PBX4: variants seen among roughly 807,000 people sequenced by gnomAD.
PBX4 encodes pre-B-cell leukemia transcription factor 4.
In PBX4, 26 loss-of-function variants were observed where a neutral mutation model predicts 35.1. The observed-to-expected ratio is 0.74, with a 90% CI of 0.54 to 1.03. The LOEUF is 1.03. PBX4 is among the 50% of genes least tolerant of loss of function. The pLI is 0.00. For missense variants in PBX4, 448 were observed against 504.3 expected (o/e 0.89, Z 1.07); for synonymous variants, 199 against 204.2 (o/e 0.97, Z 0.22).
chr19:19,614,359 C>T (rs569292230), intron 1 of PBX4, among the ~76,000 whole-genome samples: 43 of 151,060 alleles, frequency 2.8e-4, no homozygotes, highest in Non-Finnish European at 4.4e-4. Context: ...CATGGCCCGG[C>T]GCAGTGGCTC....
chr19:19,569,390 T>C (rs1423389330), intron 5 of PBX4, 59 bp downstream of exon 5: 2 of 1,559,294 alleles, frequency 1.3e-6, no homozygotes, highest in Non-Finnish European at 1.7e-6. Context: ...GGTGTCCTCA[T>C]GGGACCTAGT....
intron 6 of PBX4, chr19:19,564,725 T>G: frequency 1.6e-6 from 1 of 626,796 alleles, no homozygotes. Flanking sequence ...CTTATTAGTA[T>G]CGCCATTCTG....
chr19:19,615,785 G>C lies in PBX4; in HGVS notation c.119+2726C>G, dbSNP rs1353373645. ...TATGCCTGTAGTCCCGGCTACTCAG[G>C]AAGCTGAGGCAGGAGAATCGCTTGA... On this transcript the variant is annotated intron_variant, in intron 1 of 7. Coordinates refer to ENST00000251203, the MANE Select transcript of PBX4 (RefSeq NM_025245.3). 2.0e-5 allele frequency among the ~76,000 whole-genome samples: 3 copies of C among 152,156 alleles called. No individual in the cohort carries two copies. The East Asian group carries it at 5.8e-4, about 29-fold the overall frequency.
intron 2 of PBX4, among the ~76,000 whole-genome samples, chr19:19,580,601 T>A (rs1030638120): frequency 2.6e-5 from 4 of 152,204 alleles, no homozygotes; most frequent in African/African-American, 9.7e-5. Context: ...AGGAAATGAG[T>A]TCTACAAGGC....
intron 2 of PBX4, among the ~76,000 whole-genome samples, chr19:19,585,002 G>A (rs1201235192): frequency 6.6e-6 from 1 of 152,058 alleles, no homozygotes; most frequent in East Asian, 1.9e-4. Flanking sequence ...GACTTCTGGA[G>A]CCCAGCCTGT....
chr19:19,570,020 C>T (rs1377657376), intron 4 of PBX4, 89 bp downstream of exon 4: 1 of 1,381,648 alleles, frequency 7.2e-7, no homozygotes, highest in Non-Finnish European at 9.7e-7. Flanking sequence ...GACACAGCCT[C>T]CAGGGCTGTC....
At position 19,609,365 on chromosome 19, in the gene PBX4, C is replaced by G. The variant is rs572628443; in HGVS notation, c.119+9146G>C. ...AGGAGTTGGAGACCAGCCTGACCAA[C>G]ATGGAGAAACCCCGTCTCTACTAAA... On this transcript the variant is annotated intron_variant, in intron 1 of 7. Coordinates refer to ENST00000251203, the MANE Select transcript of PBX4 (RefSeq NM_025245.3). 2.0e-3 allele frequency among the ~76,000 whole-genome samples: 309 copies of G among 151,836 alleles called. 1 individual carries two copies. The highest frequency in any genetic ancestry group is 3.4e-3 in the Middle Eastern group (1 of 294).
At chr19:19,593,911 A>G (rs1486789513) in intron 2 of PBX4, among the ~76,000 whole-genome samples, 1 of 151,668 alleles carries the variant, frequency 6.6e-6, no homozygotes, top group Admixed American at 6.6e-5. Context: ...GGATCACTTG[A>G]GCTCAGGAGT....
intron 2 of PBX4, among the ~76,000 whole-genome samples, chr19:19,598,834 A>T (rs980616353): frequency 6.6e-5 from 10 of 152,010 alleles, no homozygotes; most frequent in African/African-American, 2.4e-4. Flanking sequence ...GGGATGAGCA[A>T]AACGGCCCAC....
At chr19:19,573,935 G>A (rs956934032) in intron 2 of PBX4, among the ~76,000 whole-genome samples, 1 of 152,056 alleles carries the variant, frequency 6.6e-6, no homozygotes, top group Admixed American at 6.6e-5. Context: ...TCACCATGTT[G>A]GCCAGGCTAA....
At chr19:19,609,775 C>T (rs1462161336) in intron 1 of PBX4, among the ~76,000 whole-genome samples, 2 of 151,896 alleles carry the variant, frequency 1.3e-5, no homozygotes, top group Admixed American at 6.6e-5. Flanking sequence ...GGCGTGAACC[C>T]GGGGGGCGGA....
chr19:19,568,392 G>T, intron 5 of PBX4, among the ~76,000 whole-genome samples: 1 of 144,462 alleles, frequency 6.9e-6, no homozygotes, highest in African/African-American at 2.6e-5. Context: ...CCCTCAGGGA[G>T]CTCACACTCC....
At chr19:19,593,050 C>T (rs529396470) in intron 2 of PBX4, among the ~76,000 whole-genome samples, 25 of 152,304 alleles carry the variant, frequency 1.6e-4, no homozygotes, top group South Asian at 1.2e-3. Context: ...GAGGAAGCCC[C>T]GAGCTGCCTG....
At chr19:19,564,816 T>TA in intron 6 of PBX4, 117 bp downstream of exon 6, 1 of 1,276,556 alleles carries the variant, frequency 7.8e-7, no homozygotes, top group Non-Finnish European at 1.1e-6. Context: ...AAGAAAGAGT[T>TA]ACACAGAGTT....
chr19:19,564,256 T>C (rs1438535318), intron 6 of PBX4, among the ~76,000 whole-genome samples: 1 of 150,228 alleles, frequency 6.7e-6, no homozygotes, highest in Admixed American at 6.7e-5. Flanking sequence ...GGTTTTTTGT[T>C]CTTGCGATAG....
intron 2 of PBX4, among the ~76,000 whole-genome samples, chr19:19,572,489 C>T (rs2144717789): frequency 6.6e-6 from 1 of 152,276 alleles, no homozygotes; most frequent in Non-Finnish European, 1.5e-5. Context: ...CCCTACATAA[C>T]AGATGAACCT....
At chr19:19,589,113 C>A (rs1206832303) in intron 2 of PBX4, among the ~76,000 whole-genome samples, 2 of 151,932 alleles carry the variant, frequency 1.3e-5, no homozygotes, top group Non-Finnish European at 2.9e-5. Context: ...CATGACAGAG[C>A]GAGATCTTGA....
At chr19:19,567,492 C>T (rs2061349991) in intron 5 of PBX4, among the ~76,000 whole-genome samples, 1 of 152,174 alleles carries the variant, frequency 6.6e-6, no homozygotes, top group Non-Finnish European at 1.5e-5. Flanking sequence ...TGGTGACATG[C>T]AGCAAGCCAT....
chr19:19,607,017 A>C (rs911027769), intron 1 of PBX4, among the ~76,000 whole-genome samples: 1 of 152,052 alleles, frequency 6.6e-6, no homozygotes, highest in African/African-American at 2.4e-5. Context: ...CAAAAAACAC[A>C]AGTATATGAC....
Sources: allele counts gnomAD v4.1 joint callset (sites outside exome capture counted in the v4.1 genomes callset), GRCh38; gene constraint gnomAD v4.1.1; transcripts MANE v1.5; gene names NCBI Gene and HGNC (gene_info 2026-07-23, HGNC 2026-07-21).